The following IKZF1 variants were observed in gnomAD, a reference collection of about 807,000 sequenced individuals.
IKZF1 encodes the protein IKAROS family zinc finger 1.
Under a neutral mutation model 51.7 loss-of-function variants are expected in IKZF1, and 10 were observed. The observed-to-expected ratio is 0.19, with a 90% CI of 0.12 to 0.33. The LOEUF (loss-of-function observed/expected upper bound fraction) is 0.33. IKZF1 is among the 10% of genes least tolerant of loss of function. The pLI, the probability that IKZF1 is intolerant of heterozygous loss-of-function variation, is 1.00. For synonymous variants in IKZF1, 280 were observed against 282.3 expected (o/e 0.99, Z 0.08); for missense variants, 484 against 707.5 (o/e 0.68, Z 3.58).
intron 3 of IKZF1, among the ~76,000 whole-genome samples, chr7:50,349,486 A>G (rs1332199449): frequency 1.3e-5 from 2 of 152,206 alleles, no homozygotes; most frequent in Non-Finnish European, 2.9e-5. Context: ...GGATGGGGAA[A>G]AGGAACAGGG....
At chr7:50,391,090 G>A (rs1342023798) in intron 6 of IKZF1, among the ~76,000 whole-genome samples, 1 of 152,186 alleles carries the variant, frequency 6.6e-6, no homozygotes, top group Non-Finnish European at 1.5e-5. Flanking sequence ...ATTATGGAAA[G>A]AGATGACATA....
rs1810225789 is a variant in IKZF1, at chr7:50,376,175, G to A, written c.161-358G>A. ...AAGGTGCCCATCTGATGGGTAGGGT[G>A]TAGGAGTAGGCCTCAGACCACTCCT... On this transcript the variant is annotated intron_variant, in intron 3 of 7. Transcript: ENST00000331340. The surrounding 1 kb of genome is among the most constrained non-coding windows in gnomAD (Gnocchi z 4.5). Among the ~76,000 whole-genome samples the A allele has an allele frequency of 6.6e-6, 1 of 152,238 alleles. No homozygotes were observed. Among genetic ancestry groups the A allele is most frequent in the South Asian group, 2.1e-4 (1 of 4,834 alleles).
Position 50,357,845 on chromosome 7 carries a change from C to T in IKZF1, c.161-18688C>T, listed in dbSNP as rs76391578. On this transcript the variant is annotated intron_variant, in intron 3 of 7. Transcript: ENST00000331340. Reference sequence around the variant, plus strand: ...TTAAGAAATGGGCTTTGGAGTGCCTCGAATTTGGCCTCCACTTTTCTTTTC... The same window carrying T: ...TTAAGAAATGGGCTTTGGAGTGCCTTGAATTTGGCCTCCACTTTTCTTTTC... Among the ~76,000 whole-genome samples, 1,170 of 152,290 alleles carry T rather than the reference C, an allele frequency of 7.7e-3. 10 individuals are homozygous for T. Among genetic ancestry groups the T allele is most frequent in the African/African-American group, 0.024 (999 of 41,534 alleles).
At chr7:50,334,487 ATGTT>A (rs1797138459) in intron 3 of IKZF1, among the ~76,000 whole-genome samples, 2 of 151,348 alleles carry the variant, frequency 1.3e-5, no homozygotes, top group African/African-American at 2.4e-5. Flanking sequence ...TGTGTGTCAT[ATGTT>A]TGTGTGTGCA....
chr7:50,377,920 G>A (rs1403790137), intron 4 of IKZF1, among the ~76,000 whole-genome samples: 2 of 152,074 alleles, frequency 1.3e-5, no homozygotes, highest in Admixed American at 6.5e-5. Context: ...CAAAACCCAA[G>A]AGGAAAAAAA....
At chr7:50,310,439 A>T (rs1384020482) in intron 1 of IKZF1, among the ~76,000 whole-genome samples, 1 of 152,194 alleles carries the variant, frequency 6.6e-6, no homozygotes, top group Non-Finnish European at 1.5e-5. Context: ...GTTATAAATA[A>T]AGACATGCCC....
intron 3 of IKZF1, chr7:50,368,240 A>G (rs764892323): frequency 1.4e-6 from 1 of 703,234 alleles, no homozygotes; most frequent in Non-Finnish European, 2.6e-6. Flanking sequence ...GTGCAAAACG[A>G]AGGTCTAGGC....
At position 50,382,676 on chromosome 7, in the gene IKZF1, C is replaced by T. The variant is rs368759855; in HGVS notation, c.558C>T (p.Asp186=). 46 of 1,610,904 alleles carry T rather than the reference C, an allele frequency of 2.9e-5. No homozygotes were observed. The African/African-American group carries it at 4.0e-4, about 14-fold the overall frequency. The stretch of plus-strand genomic sequence containing the variant: ...GCAACTACGCCTGCCGCCGGAGGGA[C>T]GCCCTCACTGGCCACCTGAGGACGC... ...HLCNYACRRR[D]ALTGHLRTHS... The change falls in exon 5 of 8, where the codon GAC becomes GAT. Residue 186 remains aspartate, a synonymous_variant. Coordinates refer to ENST00000331340, the MANE Select transcript of IKZF1 (RefSeq NM_006060.6).
chr7:50,392,290 G>T (rs1179519229), intron 7 of IKZF1, among the ~76,000 whole-genome samples: 2 of 152,194 alleles, frequency 1.3e-5, no homozygotes, highest in African/African-American at 2.4e-5. Flanking sequence ...ACTCTGAAGG[G>T]TTAATGGGAG....
chr7:50,305,853 C>T (rs1788648971), intron 1 of IKZF1, among the ~76,000 whole-genome samples: 1 of 152,134 alleles, frequency 6.6e-6, no homozygotes, highest in Non-Finnish European at 1.5e-5. Context: ...GATATTTAAA[C>T]TTTCATAGAC....
chr7:50,336,942 AAAG>A (rs1314870939), intron 3 of IKZF1, among the ~76,000 whole-genome samples: 20 of 152,188 alleles, frequency 1.3e-4, no homozygotes, highest in African/African-American at 4.8e-4. Flanking sequence ...AGAGAGGAGC[AAAG>A]AAGGAGACAG....
At chr7:50,310,396 C>T (rs114254330) in intron 1 of IKZF1, among the ~76,000 whole-genome samples, 5 of 152,318 alleles carry the variant, frequency 3.3e-5, no homozygotes, top group African/African-American at 7.2e-5. Context: ...TCCCACATTT[C>T]GCTCTCTTAT....
intron 3 of IKZF1, among the ~76,000 whole-genome samples, chr7:50,356,300 C>A (rs567979396): frequency 3.9e-5 from 6 of 152,126 alleles, no homozygotes; most frequent in East Asian, 1.9e-4. Context: ...GGATCTAGTA[C>A]CCTGTGGGGA....
chr7:50,387,065 G>A (rs1433328174), intron 5 of IKZF1, among the ~76,000 whole-genome samples: 1 of 152,156 alleles, frequency 6.6e-6, no homozygotes, highest in Non-Finnish European at 1.5e-5. Context: ...TCCAGTTAAA[G>A]GCTAGGCTTC....
rs546353243 is a variant in IKZF1, at chr7:50,353,923, C to T, written c.161-22610C>T. Reference sequence around the variant, plus strand: ...TACAAGAAGCAGACCCTTCATGCCACACTGGGACCCAGGGAGGCCCCAAGC... The same window carrying T: ...TACAAGAAGCAGACCCTTCATGCCATACTGGGACCCAGGGAGGCCCCAAGC... On this transcript the variant is annotated intron_variant, in intron 3 of 7. Transcript: ENST00000331340. Among the ~76,000 whole-genome samples the T allele has an allele frequency of 3.9e-5, 6 of 152,296 alleles. No individual in the cohort carries two copies. In the South Asian group the frequency reaches 1.0e-3, roughly 26 times the overall value.
intron 1 of IKZF1, among the ~76,000 whole-genome samples, chr7:50,307,199 G>T (rs542173101): frequency 4.1e-4 from 63 of 152,204 alleles, no homozygotes; most frequent in African/African-American, 1.5e-3. Context: ...ATAATTGTAC[G>T]TATTAATGTA....
chr7:50,359,571 G>A (rs535391110), intron 3 of IKZF1, among the ~76,000 whole-genome samples: 28 of 152,300 alleles, frequency 1.8e-4, no homozygotes, highest in African/African-American at 5.3e-4. Flanking sequence ...CCTGTGAGTC[G>A]ATTTTACTGA....
intron 3 of IKZF1, among the ~76,000 whole-genome samples, chr7:50,340,376 A>G (rs1191723988): frequency 6.6e-6 from 1 of 152,186 alleles, no homozygotes; most frequent in Non-Finnish European, 1.5e-5. Flanking sequence ...TTCCACTGAA[A>G]TCACCAGGAG....
chr7:50,375,637 C>T (rs1313964142), intron 3 of IKZF1, among the ~76,000 whole-genome samples: 4 of 151,768 alleles, frequency 2.6e-5, no homozygotes, highest in Admixed American at 1.3e-4. Flanking sequence ...TGATGTGTGA[C>T]TTAAAGGTAA....
Sources: allele counts gnomAD v4.1 joint callset (sites outside exome capture counted in the v4.1 genomes callset), GRCh38; gene constraint gnomAD v4.1.1; non-coding constraint Gnocchi (gnomAD v3.1); transcripts MANE v1.5; gene names NCBI Gene and HGNC (gene_info 2026-07-23, HGNC 2026-07-21).